CALN1: variants seen among roughly 807,000 people sequenced by gnomAD.
CALN1 encodes calneuron 1.
Under a neutral mutation model 30.6 loss-of-function variants are expected in CALN1, and 17 were observed. That is an observed-to-expected ratio of 0.56 (90% CI 0.38 to 0.83). CALN1 has a LOEUF of 0.83. Ranked by LOEUF, CALN1 falls within the 40% of genes least tolerant of loss-of-function variation. The pLI, the probability that CALN1 is intolerant of heterozygous loss-of-function variation, is 0.00. For synonymous variants in CALN1, 156 were observed against 131.4 expected (o/e 1.19, Z -1.28); for missense variants, 291 against 354.9 (o/e 0.82, Z 1.45).
chr7:72,387,278 G>T (rs187086407), intron 2 of CALN1, among the ~76,000 whole-genome samples: 1 of 58,440 alleles, frequency 1.7e-5, no homozygotes, highest in African/African-American at 6.5e-5. Context: ...GGGAGGAAGG[G>T]AGGGAGGGAG....
chr7:72,123,209 C>A (rs1221310276), intron 3 of CALN1, among the ~76,000 whole-genome samples: 1 of 152,188 alleles, frequency 6.6e-6, no homozygotes. Context: ...CAGGTGCCTA[C>A]AACAGGGTCC....
At chr7:72,417,096 G>C (rs1807447200), upstream of CALN1, among the ~76,000 whole-genome samples, 1 of 152,248 alleles carries the variant, frequency 6.6e-6, no homozygotes, top group African/African-American at 2.4e-5. Flanking sequence ...GATATGCTCA[G>C]TGAGTACAGG....
intron 6 of CALN1, among the ~76,000 whole-genome samples, chr7:71,797,593 T>G (rs62459036): frequency 3.3e-5 from 5 of 152,108 alleles, no homozygotes; most frequent in Non-Finnish European, 7.3e-5. Context: ...TGCTGACTTG[T>G]GGGGCTGGGA....
intron 5 of CALN1, among the ~76,000 whole-genome samples, chr7:71,833,785 G>A (rs1419694930): frequency 6.6e-6 from 1 of 151,996 alleles, no homozygotes; most frequent in Non-Finnish European, 1.5e-5. Flanking sequence ...TAGTGGTACA[G>A]GCCTGTCATA....
intron 2 of CALN1, among the ~76,000 whole-genome samples, chr7:72,283,884 C>T (rs1316558627): frequency 1.4e-5 from 2 of 142,022 alleles, no homozygotes; most frequent in Middle Eastern, 3.4e-3. Flanking sequence ...TTCCTGGGTG[C>T]CAGGGAGGCT....
At chr7:72,399,365 G>A (rs894820929) in intron 2 of CALN1, among the ~76,000 whole-genome samples, 2 of 140,660 alleles carry the variant, frequency 1.4e-5, no homozygotes, top group African/African-American at 5.4e-5. Context: ...CCGCCTCCCA[G>A]GTTCAAGCGA....
upstream of CALN1, among the ~76,000 whole-genome samples, chr7:72,416,751 A>C (rs529896001): frequency 1.7e-3 from 253 of 150,800 alleles, 8 homozygotes; most frequent in East Asian, 8.2e-3. Context: ...AAAAAAAAAA[A>C]AAAAAAAAAA....
intron 2 of CALN1, among the ~76,000 whole-genome samples, chr7:72,282,635 C>G (rs371727037): frequency 6.6e-6 from 1 of 152,222 alleles, no homozygotes. Context: ...GACACAAAAT[C>G]TATAGGTGTC....
intron 5 of CALN1, among the ~76,000 whole-genome samples, chr7:71,919,656 T>C (rs1280390501): frequency 6.6e-6 from 1 of 152,072 alleles, no homozygotes. Flanking sequence ...GGAGTGTTAG[T>C]AAAAGAAGAA....
At chr7:72,048,276 T>C (rs2129535234) in intron 4 of CALN1, among the ~76,000 whole-genome samples, 1 of 152,204 alleles carries the variant, frequency 6.6e-6, no homozygotes, top group Non-Finnish European at 1.5e-5. Flanking sequence ...TGAGCTCAAG[T>C]GATCCACCCG....
At chr7:72,491,435 G>T in the CALN1 span, among the ~76,000 whole-genome samples, 2 of 152,016 alleles carry the variant, frequency 1.3e-5, no homozygotes, top group African/African-American at 4.8e-5. Flanking sequence ...CAAGTATGGT[G>T]GTGTGCACCT....
At chr7:72,283,633 T>C (rs1485557698) in intron 2 of CALN1, among the ~76,000 whole-genome samples, 1 of 152,198 alleles carries the variant, frequency 6.6e-6, no homozygotes, top group African/African-American at 2.4e-5. Context: ...TGAAGCAGGA[T>C]GCAGGGGCAA....
At chr7:72,408,586 C>T (rs13247917) in intron 1 of CALN1, among the ~76,000 whole-genome samples, 25,438 of 151,162 alleles carry the variant, frequency 0.17, 2,964 homozygotes, top group African/African-American at 0.3. Context: ...TGTATAAATT[C>T]ATGGGATACA....
chr7:72,337,317 T>TCGGGGAGCCCCCACC, intron 2 of CALN1: 2 of 981,514 alleles, frequency 2.0e-6, no homozygotes, highest in Non-Finnish European at 2.4e-6. Flanking sequence ...CCTCCGAGGG[T>TCGGGGAGCCCCCACC]CGGGGAGCCC....
chr7:72,347,779 A>C (rs1445870428), intron 2 of CALN1, among the ~76,000 whole-genome samples: 1 of 152,156 alleles, frequency 6.6e-6, no homozygotes, highest in Admixed American at 6.5e-5. Flanking sequence ...AAAACGGACC[A>C]ATTTTTGCTT....
chr7:71,940,038 T>C (rs1796045917), intron 5 of CALN1, among the ~76,000 whole-genome samples: 1 of 152,084 alleles, frequency 6.6e-6, no homozygotes, highest in African/African-American at 2.4e-5. Context: ...TCCTAAACCT[T>C]TGTTATTGTT....
chr7:72,345,623 G>T (rs936491955), intron 2 of CALN1, among the ~76,000 whole-genome samples: 1 of 151,966 alleles, frequency 6.6e-6, no homozygotes, highest in African/African-American at 2.4e-5. Flanking sequence ...CAAGCAGCAG[G>T]AAGGAGAATT....
intron 2 of CALN1, among the ~76,000 whole-genome samples, chr7:72,344,680 T>C (rs986413604): frequency 2.0e-5 from 3 of 147,144 alleles, no homozygotes; most frequent in African/African-American, 7.4e-5. Flanking sequence ...TTTATTTATG[T>C]ATATAATTAT....
At chr7:72,181,124 A>T (rs201141508) in intron 3 of CALN1, among the ~76,000 whole-genome samples, 1,381 of 119,242 alleles carry the variant, frequency 0.012, 52 homozygotes, top group East Asian at 0.069. Context: ...AAAAAAAAAA[A>T]TTTTTGGTAC....
Sources: gnomAD v4.1 joint callset for allele counts (sites outside exome capture counted in the v4.1 genomes callset) on GRCh38, gnomAD v4.1.1 for gene constraint, MANE v1.5 for transcripts, NCBI Gene and HGNC (gene_info 2026-07-23, HGNC 2026-07-21) for gene names.